The following KALRN variants were observed in gnomAD, a reference collection of about 807,000 sequenced individuals.
The protein encoded by KALRN is kalirin RhoGEF kinase.
A neutral mutation model predicts 353.7 loss-of-function variants in KALRN; 70 were observed. That is an observed-to-expected ratio of 0.20 (90% CI 0.16 to 0.24). The LOEUF (loss-of-function observed/expected upper bound fraction) is 0.24, where lower values mean the gene tolerates loss of function less well. KALRN is among the 10% of genes least tolerant of loss of function. KALRN has a pLI of 1.00. For synonymous variants in KALRN, 1,391 were observed against 1,434.8 expected, an observed-to-expected ratio of 0.97 and a Z score of 0.69; for missense variants, 2,791 against 3,756.7, an observed-to-expected ratio of 0.74 and a Z score of 6.72.
intron 45 of KALRN, among the ~76,000 whole-genome samples, chr3:124,664,559 C>T (rs333346): frequency 0.015 from 2,262 of 151,992 alleles, 60 homozygotes; most frequent in African/African-American, 0.052. Context: ...TACAGGCAGG[C>T]GCCACCACGC....
intron 5 of KALRN, among the ~76,000 whole-genome samples, chr3:124,270,134 A>G (rs898491589): frequency 6.6e-6 from 1 of 152,252 alleles, no homozygotes; most frequent in African/African-American, 2.4e-5. Context: ...GTTTACTATT[A>G]TATGTGCTTT....
intron 12 of KALRN, among the ~76,000 whole-genome samples, chr3:124,396,262 T>G (rs889922666): frequency 9.9e-5 from 15 of 151,902 alleles, no homozygotes; most frequent in African/African-American, 3.6e-4. Context: ...AGAGGGTTTT[T>G]TTCACCCATA....
At chr3:124,231,999 T>C (rs59094293) in intron 2 of KALRN, among the ~76,000 whole-genome samples, 3,280 of 152,312 alleles carry the variant, frequency 0.022, 131 homozygotes, top group African/African-American at 0.073. Flanking sequence ...CCTTGATGTG[T>C]CTATCTGTGG....
At chr3:124,313,460 A>G (rs2078490877) in intron 6 of KALRN, among the ~76,000 whole-genome samples, 1 of 152,228 alleles carries the variant, frequency 6.6e-6, no homozygotes, top group Non-Finnish European at 1.5e-5. Flanking sequence ...GGTGGATGGA[A>G]CTTCCCTTTT....
chr3:124,619,373 T>C (rs2079014189), intron 34 of KALRN, among the ~76,000 whole-genome samples: 3 of 152,176 alleles, frequency 2.0e-5, no homozygotes, highest in Non-Finnish European at 4.4e-5. Context: ...AATGTTGCAA[T>C]GAATGTAAGG....
chr3:124,297,844 A>G (rs889874098), intron 5 of KALRN, among the ~76,000 whole-genome samples: 1 of 152,154 alleles, frequency 6.6e-6, no homozygotes, highest in African/African-American at 2.4e-5. Context: ...TTCTCTACCC[A>G]TTGGCTTCAC....
intron 1 of KALRN, among the ~76,000 whole-genome samples, chr3:124,185,346 A>C (rs972708895): frequency 1.3e-5 from 2 of 152,212 alleles, no homozygotes; most frequent in African/African-American, 4.8e-5. Flanking sequence ...ACCAAAACTT[A>C]TGTCAAGCTT....
At chr3:124,268,650 T>G in intron 4 of KALRN, 93 bp from the exon 5 acceptor site, 1 of 1,326,132 alleles carries the variant, frequency 7.5e-7, no homozygotes, top group African/African-American at 1.4e-5. Context: ...GTCATTATTA[T>G]GTGGATTTAT....
chr3:124,636,088 A>C (rs1186512981), intron 36 of KALRN, among the ~76,000 whole-genome samples: 2 of 152,214 alleles, frequency 1.3e-5, no homozygotes, highest in African/African-American at 4.8e-5. Context: ...AGGAAAAAGA[A>C]TATTGTTATA....
intron 5 of KALRN, among the ~76,000 whole-genome samples, chr3:124,272,210 A>G (rs559846168): frequency 1.3e-5 from 2 of 152,350 alleles, no homozygotes; most frequent in Non-Finnish European, 2.9e-5. Flanking sequence ...GCAGCACTAT[A>G]TGTATTTTTA....
rs184406579 is a variant in KALRN at position 124,625,365 on chromosome 3, T to A, written c.5183-7055T>A. Among the ~76,000 whole-genome samples, 30 of 152,290 alleles carry A rather than the reference T, an allele frequency of 2.0e-4. No individual in the cohort carries two copies. In the East Asian group the frequency reaches 5.8e-3, roughly 29 times the overall value. Reference sequence around the variant, plus strand: ...GAACTAAGTCCAATCCACAGTGAGATGAGCCCAGAAAATGAGTGTTTTGAC... The same window carrying A: ...GAACTAAGTCCAATCCACAGTGAGAAGAGCCCAGAAAATGAGTGTTTTGAC... On this transcript the variant is annotated intron_variant, in intron 34 of 59. Transcript: ENST00000682506.
chr3:124,233,726 A>G (rs2079437578), intron 2 of KALRN, among the ~76,000 whole-genome samples: 1 of 152,088 alleles, frequency 6.6e-6, no homozygotes, highest in African/African-American at 2.4e-5. Context: ...TCTGTGTAAG[A>G]GATCCTTGTT....
chr3:124,070,384 C>T (rs1455999095), intron 1 of KALRN, among the ~76,000 whole-genome samples: 1 of 152,158 alleles, frequency 6.6e-6, no homozygotes, highest in Non-Finnish European at 1.5e-5. Context: ...TTACCGAGAA[C>T]ATACCATACT....
intron 1 of KALRN, among the ~76,000 whole-genome samples, chr3:124,047,035 C>A: frequency 7.0e-6 from 1 of 143,490 alleles, no homozygotes; most frequent in Admixed American, 7.2e-5. Flanking sequence ...AAACAAAAGA[C>A]CTATGAAGTC....
At position 124,697,299 on chromosome 3, in the gene KALRN, G is replaced by A. The variant is rs564267344; in HGVS notation, c.7700-294G>A. On this transcript the variant is annotated intron_variant, in intron 54 of 59. Transcript: ENST00000682506. ...AAGTTCTGGCAAATGAGACGAGAAC[G>A]AATCTTTGCTAAGAGCTGTCTGTGG... 8.9e-4 allele frequency among the ~76,000 whole-genome samples: 136 copies of A among 152,312 alleles called. 1 individual carries two copies. The South Asian group carries it at 0.023, about 26-fold the overall frequency.
At chr3:124,275,961 T>A (rs180731596) in intron 5 of KALRN, among the ~76,000 whole-genome samples, 75 of 152,238 alleles carry the variant, frequency 4.9e-4, no homozygotes, top group African/African-American at 1.7e-3. Flanking sequence ...ACAAGGTCTG[T>A]CCTTGAAGCA....
At chr3:124,088,107 T>C (rs975253206) in intron 1 of KALRN, among the ~76,000 whole-genome samples, 1 of 152,146 alleles carries the variant, frequency 6.6e-6, no homozygotes, top group Non-Finnish European at 1.5e-5. Context: ...CTTGAAGTTT[T>C]ATAGTTTTTT....
chr3:124,323,521 A>G (rs1435721779), intron 6 of KALRN, among the ~76,000 whole-genome samples: 1 of 152,154 alleles, frequency 6.6e-6, no homozygotes, highest in Non-Finnish European at 1.5e-5. Flanking sequence ...TTAAGAGTCT[A>G]CAGAGGCAGC....
chr3:124,688,359 T>C (rs950413684), intron 51 of KALRN, among the ~76,000 whole-genome samples: 4 of 151,610 alleles, frequency 2.6e-5, no homozygotes, highest in African/African-American at 9.7e-5. Context: ...TCTAAAACTT[T>C]AGAAATTCGA....
Sources: gnomAD v4.1 joint callset for allele counts (sites outside exome capture counted in the v4.1 genomes callset) on GRCh38, gnomAD v4.1.1 for gene constraint, MANE v1.5 for transcripts, NCBI Gene and HGNC (gene_info 2026-07-23, HGNC 2026-07-21) for gene names.